The following ETV1 variants were observed in gnomAD, a reference collection of about 807,000 sequenced individuals.
ETV1 encodes the protein ETS translocation variant 1.
A neutral mutation model predicts 62.3 loss-of-function variants in ETV1; 27 were observed. That is an observed-to-expected ratio of 0.43 (90% CI 0.32 to 0.60). ETV1 has a LOEUF of 0.60. Ranked by LOEUF, ETV1 falls within the 20% of genes least tolerant of loss-of-function variation. The pLI is 0.06. For synonymous variants in ETV1, 222 were observed against 199.6 expected (o/e 1.11, Z -0.94); for missense variants, 605 against 605.8 (o/e 1.00, Z 0.01).
Position 13,909,613 on chromosome 7 carries a change from G to C in ETV1, c.940+19C>G, listed in dbSNP as rs1783359586. 1 of 1,596,696 alleles carries C rather than the reference G, an allele frequency of 6.3e-7. No homozygotes were observed. The highest frequency in any genetic ancestry group is 8.6e-7 in the Non-Finnish European group (1 of 1,166,196). On this transcript the variant is annotated intron_variant, in intron 11 of 13. Transcript: ENST00000430479. ...CATCTTTAAAAAAATCAGAACTTGA[G>C]GCAAAGTGTAAAACCTACCATCGAA...
Position 13,893,709 on chromosome 7 carries a change from C to T in ETV1, c.*2157G>A, listed in dbSNP as rs1781537276. ...TTTAAAGACTCACTTAAATTTTCTC[C>T]TTCAATTTCACCAAATCTCAATTAT... On this transcript the variant is annotated 3_prime_UTR_variant, in exon 14 of 14. Coordinates refer to ENST00000430479, the MANE Select transcript of ETV1 (RefSeq NM_004956.5). 1 of 232,556 alleles carries T rather than the reference C, an allele frequency of 4.3e-6. No individual in the cohort carries two copies. The highest frequency in any genetic ancestry group is 5.6e-5 in the Admixed American group (1 of 17,752). 14.4% of individuals were successfully genotyped at this position (232,556 alleles called of 1,614,324 possible).
rs73679019 is a variant in ETV1, at chr7:13,925,362, T to C, written c.802+6140A>G. 5.8e-3 allele frequency among the ~76,000 whole-genome samples: 877 copies of C among 152,296 alleles called. 11 individuals carry two copies. Among genetic ancestry groups the C allele is most frequent in the African/African-American group, 0.02 (839 of 41,554 alleles). ...AAGGAATAAAACCCTAATGGTAGCA[T>C]TGCAAGCACTGTGCAAGGTGAACAT... On this transcript the variant is annotated intron_variant, in intron 9 of 13. Coordinates refer to ENST00000430479, the MANE Select transcript of ETV1 (RefSeq NM_004956.5).
At chr7:13,973,704 A>T (rs572900026) in intron 6 of ETV1, among the ~76,000 whole-genome samples, 3 of 152,010 alleles carry the variant, frequency 2.0e-5, no homozygotes, top group East Asian at 3.9e-4. Context: ...GGGTTTTTTA[A>T]AATTATTGTG....
At chr7:13,967,534 C>T (rs954910245) in intron 6 of ETV1, among the ~76,000 whole-genome samples, 1 of 152,056 alleles carries the variant, frequency 6.6e-6, no homozygotes, top group African/African-American at 2.4e-5. Flanking sequence ...CCCTTAGCTA[C>T]TGTCAAATGC....
chr7:13,892,628 G>A lies in ETV1; in HGVS notation c.*3238C>T, dbSNP rs76891981. ...ATCTAGCCAAAGGGACTTGGCACAC[G>A]TCATTAAGTTAAGGATCTTGAGATG... On this transcript the variant is annotated 3_prime_UTR_variant, in exon 14 of 14. Transcript: ENST00000430479. The A allele has an allele frequency of 1.3e-5, 3 of 232,212 alleles. No individual in the cohort carries two copies. The highest frequency in any genetic ancestry group is 4.4e-5 in the African/African-American group (2 of 45,390). The allele number at this position is 232,212 out of a possible 1,614,324, so 14.4% of individuals were successfully genotyped here. A position where few individuals can be genotyped will look rare whatever the true frequency, so the allele number is the denominator to read the frequency against.
chr7:13,963,648 A>G (rs1222933707), intron 6 of ETV1, among the ~76,000 whole-genome samples: 4 of 152,048 alleles, frequency 2.6e-5, no homozygotes, highest in African/African-American at 7.2e-5. Context: ...AGAATGTTAT[A>G]TTTTACATAA....
Position 13,900,818 on chromosome 7 carries a change from G to T in ETV1, c.1132C>A (p.Gln378Lys). Reference protein sequence around the residue: ...PEEVARRWGIQKNRPAMNYDK... With the variant: ...PEEVARRWGIKKNRPAMNYDK... ...TAGTTCATAGCTGGCCTGTTTTTCTGAATGCCCCAACGTCGGGCCACCTGC... is the reference window on the plus strand; with the variant it reads ...TAGTTCATAGCTGGCCTGTTTTTCTTAATGCCCCAACGTCGGGCCACCTGC... The change falls in exon 13 of 14, where the codon CAG becomes AAG. Residue 378 changes from glutamine (Q) to lysine (K), a missense_variant. By Grantham distance (53) the Gln-to-Lys change is moderately conservative (BLOSUM62 1). Around this residue, in one of 3 missense-constraint regions of ETV1, gnomAD observed 100 missense variants for 156.4 expected, o/e 0.64. Coordinates refer to ENST00000430479, the MANE Select transcript of ETV1 (RefSeq NM_004956.5). The T allele has an allele frequency of 6.2e-7, 1 of 1,609,412 alleles. No individual in the cohort carries two copies. The highest frequency in any genetic ancestry group is 8.5e-7 in the Non-Finnish European group (1 of 1,177,810).
In ETV1 at chr7:13,961,031, C is replaced by T. The variant is rs550380216; in HGVS notation, c.235+16396G>A. On this transcript the variant is annotated intron_variant, in intron 6 of 13. Transcript: ENST00000430479. The stretch of plus-strand genomic sequence containing the variant: ...GGCATGGTAGCGCACACCGGAGTCC[C>T]AGCTACTCAAGAGGCTGAGTTGGGA... Among the ~76,000 whole-genome samples, 9 of 151,954 alleles carry T rather than the reference C, an allele frequency of 5.9e-5. No homozygotes were observed. The South Asian group carries it at 1.9e-3, about 32-fold the overall frequency.
chr7:13,924,813 G>C (rs1001031661), intron 9 of ETV1, among the ~76,000 whole-genome samples: 2 of 152,162 alleles, frequency 1.3e-5, no homozygotes, highest in African/African-American at 4.8e-5. Context: ...ATTTGGGTGT[G>C]GAGAAGTTTG....
At chr7:13,918,754 T>C (rs146368474) in intron 9 of ETV1, among the ~76,000 whole-genome samples, 7,632 of 151,042 alleles carry the variant, frequency 0.051, 246 homozygotes, top group East Asian at 0.13. Flanking sequence ...GGGATAGCAT[T>C]GGGAGATATA....
chr7:13,942,213 C>T (rs1234108200), intron 6 of ETV1, among the ~76,000 whole-genome samples: 3 of 151,722 alleles, frequency 2.0e-5, no homozygotes, highest in African/African-American at 4.8e-5. Context: ...TTAGTAGAGA[C>T]GGGGTTTCAT....
chr7:13,926,609 T>C (rs149193598), intron 9 of ETV1, among the ~76,000 whole-genome samples: 1 of 151,898 alleles, frequency 6.6e-6, no homozygotes, highest in Non-Finnish European at 1.5e-5. Flanking sequence ...CATAAGGGCA[T>C]GAAAAAAAAT....
Position 13,895,855 on chromosome 7 carries a change from T to G in ETV1, c.*11A>C. On this transcript the variant is annotated 3_prime_UTR_variant, in exon 14 of 14. Transcript: ENST00000430479. Reference sequence around the variant, plus strand: ...AAAGCGCAAAAACGCCCTGCTTGACTGTCACTTGTGTTAATACACGTAGCC... The same window carrying G: ...AAAGCGCAAAAACGCCCTGCTTGACGGTCACTTGTGTTAATACACGTAGCC... 2.5e-6 allele frequency: 4 copies of G among 1,603,996 alleles called. No homozygotes were observed. The highest frequency in any genetic ancestry group is 1.3e-5 in the African/African-American group (1 of 74,884).
intron 6 of ETV1, among the ~76,000 whole-genome samples, chr7:13,943,864 A>G (rs1787848779): frequency 6.6e-6 from 1 of 152,234 alleles, no homozygotes; most frequent in African/African-American, 2.4e-5. Context: ...GTATATCAAT[A>G]TAAAGTTTAA....
chr7:13,932,044 C>CA (rs1562638299), intron 8 of ETV1, among the ~76,000 whole-genome samples: 1,940 of 148,052 alleles, frequency 0.013, 47 homozygotes, highest in African/African-American at 0.046. Flanking sequence ...TTTTACACAC[C>CA]CACACACACA....
upstream of ETV1, chr7:13,990,071 C>T (rs1782912343): frequency 6.5e-6 from 1 of 153,290 alleles, no homozygotes; most frequent in South Asian, 2.1e-4. Flanking sequence ...CCACAAAGCC[C>T]GTACCGCCTT....
At chr7:13,983,046 T>G (rs1782158131) in intron 5 of ETV1, among the ~76,000 whole-genome samples, 2 of 152,122 alleles carry the variant, frequency 1.3e-5, no homozygotes, top group South Asian at 2.1e-4. Context: ...GAAAAAACCC[T>G]TATTCGTATG....
intron 9 of ETV1, among the ~76,000 whole-genome samples, chr7:13,923,414 C>T (rs1479356984): frequency 6.6e-6 from 1 of 152,138 alleles, no homozygotes; most frequent in Non-Finnish European, 1.5e-5. Context: ...CCTCTCTTGC[C>T]ATTTCAGAAA....
At chr7:13,939,375 A>G (rs1787210634) in intron 6 of ETV1, 129 bp from the exon 7 acceptor site, 1 of 726,212 alleles carries the variant, frequency 1.4e-6, no homozygotes, top group Non-Finnish European at 2.1e-6. Flanking sequence ...AAGAAAAATC[A>G]CGTTTGATGA....
Sources: gnomAD v4.1 joint callset for allele counts (sites outside exome capture counted in the v4.1 genomes callset) on GRCh38, gnomAD v4.1.1 for gene constraint, gnomAD v4.1.1 regional missense constraint, MANE v1.5 for transcripts, NCBI Gene and HGNC (gene_info 2026-07-23, HGNC 2026-07-21) for gene names.